ZNF219: variants seen among roughly 807,000 people sequenced by gnomAD.
ZNF219 encodes the protein zinc finger protein 219.
Under a neutral mutation model 54.4 loss-of-function variants are expected in ZNF219, and 17 were observed. That is an observed-to-expected ratio of 0.31 (90% CI 0.21 to 0.47). The LOEUF is 0.47. Ranked by LOEUF, ZNF219 falls within the 20% of genes least tolerant of loss-of-function variation. ZNF219 has a pLI of 1.00. For missense variants in ZNF219, 1,014 were observed against 1,062.3 expected, an observed-to-expected ratio of 0.95 and a Z score of 0.63; for synonymous variants, 518 against 476.4, an observed-to-expected ratio of 1.09 and a Z score of -1.14.
intron 1 of ZNF219, among the ~76,000 whole-genome samples, chr14:21,096,590 A>G (rs1889287633): frequency 6.6e-6 from 1 of 152,230 alleles, no homozygotes; most frequent in African/African-American, 2.4e-5. Flanking sequence ...GCCAGACAGC[A>G]GCACTGACCT....
At chr14:21,103,364 C>G (rs2139357391), upstream of ZNF219, 1 of 1,448,778 alleles carries the variant, frequency 6.9e-7, no homozygotes, top group Admixed American at 2.7e-5. Flanking sequence ...AGTTTTCACT[C>G]AAAGCAGGCC....
chr14:21,098,134 A>G (rs1286043202), intron 1 of ZNF219, among the ~76,000 whole-genome samples, 178 bp downstream of exon 1: 1 of 136,632 alleles, frequency 7.3e-6, no homozygotes, highest in Non-Finnish European at 1.6e-5. Flanking sequence ...CCCCCCCAGG[A>G]GCTCTGGGCG....
In ZNF219 at chr14:21,092,067, C is replaced by G. The variant is rs1441613979; in HGVS notation, c.1230G>C (p.Leu410=). The G allele has an allele frequency of 1.3e-6, 2 of 1,539,858 alleles. No individual in the cohort carries two copies. Among genetic ancestry groups the G allele is most frequent in the Admixed American group, 2.0e-5 (1 of 50,062 alleles). The change falls in exon 3 of 5, where the codon CTG becomes CTC. Residue 410 remains leucine (L), a synonymous_variant. Coordinates refer to ENST00000360947, the MANE Select transcript of ZNF219 (RefSeq NM_016423.3). ...PGRSFGGFRP[L]SSALPARARR... Reference sequence around the variant, plus strand: ...GAGCCCGGGCCGGGAGAGCAGAGGACAGCGGGCGGAAGCCTCCGAAGCTGC... The same window carrying G: ...GAGCCCGGGCCGGGAGAGCAGAGGAGAGCGGGCGGAAGCCTCCGAAGCTGC...
chr14:21,099,661 G>A (rs1474274552), upstream of ZNF219, among the ~76,000 whole-genome samples: 1 of 152,220 alleles, frequency 6.6e-6, no homozygotes, highest in Non-Finnish European at 1.5e-5. Flanking sequence ...AATAATAATA[G>A]TGATGATGAT....
At chr14:21,093,380 G>A in intron 2 of ZNF219, 90 bp from the exon 3 acceptor site, 2 of 1,498,200 alleles carry the variant, frequency 1.3e-6, no homozygotes, top group Middle Eastern at 1.8e-4. Context: ...AGGACAACAC[G>A]AGGGAAGGTG....
chr14:21,101,744 G>A, upstream of ZNF219: 1 of 780,890 alleles, frequency 1.3e-6, no homozygotes, highest in South Asian at 1.8e-5. Flanking sequence ...CTTGCTCTGG[G>A]TTGACTGCTT....
Position 21,090,420 on chromosome 14 carries a change from TG to T in ZNF219, c.*115del. On this transcript the variant is annotated 3_prime_UTR_variant, in exon 5 of 5. Transcript: ENST00000360947. This position sits in a 1 kb window ranked among gnomAD's most constrained non-coding sequence, Gnocchi z 4.4. ...CCGCGCCTTCCACCTCTGGTCCGCCTGGGGCTGGGATATGGGTCCCACGCTG... is the reference window on the plus strand; with the variant it reads ...CCGCGCCTTCCACCTCTGGTCCGCCTGGGCTGGGATATGGGTCCCACGCTG... 7.2e-7 allele frequency: 1 copy of T among 1,390,378 alleles called. No homozygotes were observed. Among genetic ancestry groups the T allele is most frequent in the Non-Finnish European group, 9.7e-7 (1 of 1,033,924 alleles). The allele number at this position is 1,390,378 out of a possible 1,614,324, so 86.1% of individuals were successfully genotyped here.
chr14:21,093,234 G>A lies in ZNF219; in HGVS notation c.63C>T (p.Asp21=), dbSNP rs370918259. 3 of 1,601,782 alleles carry A rather than the reference G, an allele frequency of 1.9e-6. No individual in the cohort carries two copies. Among genetic ancestry groups the A allele is most frequent in the Non-Finnish European group, 2.5e-6 (3 of 1,178,930 alleles). ...GHLAPSPPAF[D]GELDLQRYSN... ...AGTATCGCTGCAGATCCAGCTCGCCGTCGAAAGCCGGCGGCGACGGCGCTA... is the reference window on the plus strand; with the variant it reads ...AGTATCGCTGCAGATCCAGCTCGCCATCGAAAGCCGGCGGCGACGGCGCTA... Residue 21 remains aspartate, a synonymous_variant, in exon 3 of 5, where the codon GAC becomes GAT. Transcript: ENST00000360947.
intron 3 of ZNF219, 54 bp downstream of exon 3, chr14:21,091,811 G>GT (rs1888903181): frequency 1.3e-6 from 2 of 1,481,802 alleles, no homozygotes; most frequent in Non-Finnish European, 8.9e-7. Context: ...GAGTGGCGGC[G>GT]TAAGAGTCAG....
intron 2 of ZNF219, 141 bp downstream of exon 2, chr14:21,093,445 G>C (rs926536765): frequency 1.1e-5 from 15 of 1,404,968 alleles, no homozygotes; most frequent in Middle Eastern, 3.6e-4. Context: ...AAGATGGGGT[G>C]GGGGGAGGTG....
At chr14:21,100,481 TATTA>T (rs1889563274), upstream of ZNF219, among the ~76,000 whole-genome samples, 1 of 152,104 alleles carries the variant, frequency 6.6e-6, no homozygotes, top group Non-Finnish European at 1.5e-5. Flanking sequence ...CTCTCAAAAA[TATTA>T]ATTGTTGCAA....
chr14:21,097,710 C>T (rs1039286398), intron 1 of ZNF219, among the ~76,000 whole-genome samples: 4 of 152,152 alleles, frequency 2.6e-5, no homozygotes, highest in Non-Finnish European at 4.4e-5. Context: ...CTCAGCTACC[C>T]CCGGCCAGGA....
At chr14:21,103,308 C>T (rs1029832344), upstream of ZNF219, 6 of 1,529,404 alleles carry the variant, frequency 3.9e-6, no homozygotes, top group Non-Finnish European at 5.3e-6. Context: ...AACTCAGAAG[C>T]TTGCTGGGAT....
chr14:21,093,548 T>G (rs1889105302), intron 2 of ZNF219, 38 bp downstream of exon 2: 1 of 1,598,684 alleles, frequency 6.3e-7, no homozygotes, highest in African/African-American at 1.3e-5. Context: ...AGTATACAGT[T>G]GTAGGTACTT....
rs1436555176 is a variant in ZNF219, at chr14:21,098,516, G to A, written c.-288C>T. The stretch of plus-strand genomic sequence containing the variant: ...CATTGTGTGCGGCGGGAGGCGGCCC[G>A]GCCATTAGCATGCGGGGGGCGGCGC... On this transcript the variant is annotated 5_prime_UTR_variant, in exon 1 of 5. Coordinates refer to ENST00000360947, the MANE Select transcript of ZNF219 (RefSeq NM_016423.3). 1.4e-5 allele frequency: 14 copies of A among 984,850 alleles called. No individual in the cohort carries two copies. The South Asian group carries it at 4.2e-4, about 29-fold the overall frequency. 61.0% of individuals were successfully genotyped at this position (984,850 alleles called of 1,614,324 possible).
chr14:21,092,548 GGCTCC>G lies in ZNF219; in HGVS notation c.744_748del (p.Glu249GlyfsTer5). 1 of 1,547,918 alleles carries G rather than the reference GGCTCC, an allele frequency of 6.5e-7. No individual in the cohort carries two copies. The highest frequency in any genetic ancestry group is 2.4e-5 in the East Asian group (1 of 40,942). On this transcript the variant is annotated frameshift_variant, in exon 3 of 5. Coordinates refer to ENST00000360947, the MANE Select transcript of ZNF219 (RefSeq NM_016423.3). LOFTEE classifies it high-confidence loss of function. The stretch of plus-strand genomic sequence containing the variant: ...CGGGGTTGCCTCACGTTCGGGCTCC[GGCTCC>G]GGCTCCGGCTGGGGGACTGATCTGG...
chr14:21,091,474 G>A lies in ZNF219; in HGVS notation c.1501C>T (p.Pro501Ser), dbSNP rs1241059278. The A allele has an allele frequency of 4.3e-6, 7 of 1,610,226 alleles. No homozygotes were observed. The South Asian group carries it at 7.7e-5, about 18-fold the overall frequency. The change falls in exon 4 of 5, where the codon CCT becomes TCT. Residue 501 changes from proline (P) to serine (S), a missense_variant. Coordinates refer to ENST00000360947, the MANE Select transcript of ZNF219 (RefSeq NM_016423.3). The stretch of plus-strand genomic sequence containing the variant: ...GAGCGGAAAGATTTTCCGCAGAAAG[G>A]ACAATCCTTGCCGGTGGCGCCCCGG... ...GGRGATGKDC[P>S]FCGKSFRSAH...
chr14:21,092,590 G>T lies in ZNF219; in HGVS notation c.707C>A (p.Pro236His). 6.5e-7 allele frequency: 1 copy of T among 1,541,348 alleles called. No homozygotes were observed. Residue 236 changes from proline (P) to histidine (H), a missense_variant, in exon 3 of 5, where the codon CCC becomes CAC. Physicochemically the swap from Pro to His is moderately conservative, Grantham distance 77. Around this residue, in one of 5 missense-constraint regions of ZNF219, gnomAD observed 395 missense variants for 415.1 expected, o/e 0.95. Coordinates refer to ENST00000360947, the MANE Select transcript of ZNF219 (RefSeq NM_016423.3). Reference sequence around the variant, plus strand: ...GGGGACTGATCTGGGTTCGGGCTGGGGTGGAGGCTGAGGCTGAGGCTGAGG... The same window carrying T: ...GGGGACTGATCTGGGTTCGGGCTGGTGTGGAGGCTGAGGCTGAGGCTGAGG... ...PPPQPQPQPP[P>H]QPEPRSVPQP...
upstream of ZNF219, chr14:21,103,112 T>C: frequency 6.4e-7 from 1 of 1,551,652 alleles, no homozygotes; most frequent in Non-Finnish European, 8.7e-7. Context: ...CCTCTACAAT[T>C]TGCTCACACC....
Sources: allele counts gnomAD v4.1 joint callset (sites outside exome capture counted in the v4.1 genomes callset), GRCh38; gene constraint gnomAD v4.1.1; regional missense constraint gnomAD v4.1.1; non-coding constraint Gnocchi (gnomAD v3.1); transcripts MANE v1.5; gene names NCBI Gene and HGNC (gene_info 2026-07-23, HGNC 2026-07-21).